STAT5B: variants seen among roughly 807,000 people sequenced by gnomAD.
The protein encoded by STAT5B is transcription factor STAT5B.
A neutral mutation model predicts 107.8 loss-of-function variants in STAT5B; 21 were observed. The observed-to-expected ratio is 0.19, with a 90% CI of 0.14 to 0.28. STAT5B has a LOEUF of 0.28. STAT5B is among the 10% of genes least tolerant of loss of function. The pLI is 1.00. For missense variants in STAT5B, 565 were observed against 1,008.2 expected, an observed-to-expected ratio of 0.56 and a Z score of 5.95; for synonymous variants, 325 against 401.7, an observed-to-expected ratio of 0.81 and a Z score of 2.28.
At chr17:42,262,970 G>GTGTGTATATA (rs2080626695) in intron 1 of STAT5B, among the ~76,000 whole-genome samples, 1 of 20,944 alleles carries the variant, frequency 4.8e-5, no homozygotes, top group Non-Finnish European at 8.3e-5. Context: ...GTGTGTGTGT[G>GTGTGTATATA]TATATATATA....
In STAT5B at chr17:42,200,960, G is replaced by C; in HGVS notation, c.*778C>G. ...TGGCACTGTAAGCTCTCAGTTACGT[G>C]GCCCTCTTTTCTCTCCTCTATTTCT... On this transcript the variant is annotated 3_prime_UTR_variant, in exon 19 of 19. Transcript: ENST00000293328. 1 of 398,028 alleles carries C rather than the reference G, an allele frequency of 2.5e-6. No homozygotes were observed. The highest frequency in any genetic ancestry group is 4.4e-6 in the Non-Finnish European group (1 of 226,268). The allele number at this position is 398,028 out of a possible 1,614,324, so 24.7% of individuals were successfully genotyped here. A position where few individuals can be genotyped will look rare whatever the true frequency, so the allele number is the denominator to read the frequency against.
intron 5 of STAT5B, among the ~76,000 whole-genome samples, chr17:42,220,944 C>A (rs1165044702): frequency 1.3e-5 from 2 of 151,352 alleles, no homozygotes; most frequent in Admixed American, 1.3e-4. Flanking sequence ...CTCCACCACA[C>A]TGGGACTATT....
chr17:42,241,142 C>T (rs932488901), intron 1 of STAT5B, among the ~76,000 whole-genome samples: 7 of 151,612 alleles, frequency 4.6e-5, no homozygotes, highest in Non-Finnish European at 7.4e-5. Context: ...AGTTCAAGAC[C>T]AGCCTGACCA....
chr17:42,225,777 G>A (rs111838980), intron 3 of STAT5B, among the ~76,000 whole-genome samples: 1 of 151,786 alleles, frequency 6.6e-6, no homozygotes, highest in African/African-American at 2.4e-5. Flanking sequence ...TCTGAGCTGC[G>A]GTTGGTGGAA....
intron 1 of STAT5B, among the ~76,000 whole-genome samples, chr17:42,267,872 T>C (rs750417525): frequency 4.6e-5 from 7 of 151,304 alleles, no homozygotes; most frequent in Non-Finnish European, 1.0e-4. Flanking sequence ...GGAAGGAGAA[T>C]TGCTTGAACC....
intron 5 of STAT5B, among the ~76,000 whole-genome samples, chr17:42,221,857 TA>T (rs2080228901): frequency 6.6e-6 from 1 of 152,020 alleles, no homozygotes; most frequent in Non-Finnish European, 1.5e-5. Flanking sequence ...ACTATAGACA[TA>T]AAATGGAACC....
chr17:42,243,217 GTGGTGGCACACGCC>G (rs1567669795), intron 1 of STAT5B, among the ~76,000 whole-genome samples: 21 of 151,898 alleles, frequency 1.4e-4, no homozygotes, highest in Non-Finnish European at 2.1e-4. Context: ...TTAGTTGGGC[GTGGTGGCACACGCC>G]TGTAGTTGCA....
chr17:42,248,571 T>C (rs1322991293), intron 1 of STAT5B, among the ~76,000 whole-genome samples: 1 of 135,478 alleles, frequency 7.4e-6, no homozygotes, highest in Admixed American at 7.3e-5. Flanking sequence ...TCACTATACC[T>C]CTAATAGTAG....
chr17:42,275,108 C>T (rs1236729709), intron 1 of STAT5B: 5 of 152,222 alleles, frequency 3.3e-5, no homozygotes, highest in African/African-American at 1.2e-4. Context: ...GTTTCAATCC[C>T]TGGATACTCA....
In STAT5B at chr17:42,245,355, C is replaced by T. The variant is rs184610774; in HGVS notation, c.-10-13218G>A. Among the ~76,000 whole-genome samples the T allele has an allele frequency of 4.7e-5, 7 of 149,744 alleles. No homozygotes were observed. The East Asian group carries it at 1.0e-3, about 22-fold the overall frequency. ...CCTCCCAAAGTGCTGGAATTACAGGCGTGAGCTACCGCGCCTGGCTGAGTC... is the reference window on the plus strand; with the variant it reads ...CCTCCCAAAGTGCTGGAATTACAGGTGTGAGCTACCGCGCCTGGCTGAGTC... On this transcript the variant is annotated intron_variant, in intron 1 of 18. Coordinates refer to ENST00000293328, the MANE Select transcript of STAT5B (RefSeq NM_012448.4).
intron 1 of STAT5B, among the ~76,000 whole-genome samples, chr17:42,262,285 T>C (rs2080605398): frequency 6.6e-6 from 1 of 152,118 alleles, no homozygotes; most frequent in Admixed American, 6.6e-5. Context: ...CTCAGCCTCC[T>C]GAGTAGCTGG....
upstream of STAT5B, among the ~76,000 whole-genome samples, chr17:42,278,560 G>C (rs1204540397): frequency 6.6e-6 from 1 of 151,978 alleles, no homozygotes; most frequent in African/African-American, 2.4e-5. Context: ...CACAGAAAAA[G>C]GTCTCATGGT....
intron 12 of STAT5B, among the ~76,000 whole-genome samples, chr17:42,213,574 C>T (rs892184322): frequency 6.6e-6 from 1 of 151,764 alleles, no homozygotes; most frequent in African/African-American, 2.4e-5. Flanking sequence ...GTTGCCCAGG[C>T]TGGAGTGCAG....
chr17:42,228,034 T>C (rs183423287), intron 2 of STAT5B, among the ~76,000 whole-genome samples: 12 of 152,304 alleles, frequency 7.9e-5, no homozygotes, highest in Non-Finnish European at 1.6e-4. Context: ...AAATAAGGAC[T>C]TGGATAATTT....
At chr17:42,253,952 T>C (rs1351639150) in intron 1 of STAT5B, among the ~76,000 whole-genome samples, 4 of 152,206 alleles carry the variant, frequency 2.6e-5, no homozygotes, top group Non-Finnish European at 5.9e-5. Context: ...TTCTATGGGC[T>C]TCGGCCTAAA....
intron 12 of STAT5B, chr17:42,214,670 G>A: frequency 2.1e-6 from 2 of 966,976 alleles, no homozygotes; most frequent in Non-Finnish European, 2.5e-6. Flanking sequence ...ATGCTCTTAT[G>A]TCCCAAATGA....
chr17:42,221,769 G>A (rs1019668830), intron 5 of STAT5B, among the ~76,000 whole-genome samples: 1 of 152,174 alleles, frequency 6.6e-6, no homozygotes, highest in African/African-American at 2.4e-5. Flanking sequence ...TGGCCTCAGG[G>A]TACAGAGATA....
intron 16 of STAT5B, among the ~76,000 whole-genome samples, chr17:42,205,739 A>AT (rs1370085469): frequency 6.6e-6 from 1 of 152,094 alleles, no homozygotes; most frequent in Admixed American, 6.5e-5. Flanking sequence ...GCAAGACCCC[A>AT]TATCTATAAA....
At chr17:42,262,733 T>C (rs1555553422) in intron 1 of STAT5B, among the ~76,000 whole-genome samples, 2 of 133,228 alleles carry the variant, frequency 1.5e-5, no homozygotes, top group Non-Finnish European at 3.1e-5. Flanking sequence ...ATGAATAACT[T>C]AGCAGAGTGT....
Sources: gnomAD v4.1 joint callset for allele counts (sites outside exome capture counted in the v4.1 genomes callset) on GRCh38, gnomAD v4.1.1 for gene constraint, MANE v1.5 for transcripts, NCBI Gene and HGNC (gene_info 2026-07-23, HGNC 2026-07-21) for gene names.